The following WDR7 variants were observed in gnomAD, a reference collection of about 807,000 sequenced individuals.
The protein encoded by WDR7 is WD repeat-containing protein 7.
In WDR7, 46 loss-of-function variants were observed where a neutral mutation model predicts 169.4. The ratio of observed to expected loss-of-function variants is 0.27; its 90% CI spans 0.21 to 0.35. The LOEUF (loss-of-function observed/expected upper bound fraction) is 0.35. WDR7 is among the 10% of genes least tolerant of loss of function. The pLI, the probability that WDR7 is intolerant of heterozygous loss-of-function variation, is 1.00. For synonymous variants in WDR7, 612 were observed against 666.8 expected (o/e 0.92, Z 1.27); for missense variants, 1,534 against 1,859.3 (o/e 0.83, Z 3.22).
intron 25 of WDR7, among the ~76,000 whole-genome samples, chr18:56,959,338 T>A (rs1486612866): frequency 3.3e-5 from 5 of 152,186 alleles, no homozygotes; most frequent in Non-Finnish European, 1.5e-5. Flanking sequence ...CGGACAATGA[T>A]GAAAGCATGG....
intron 25 of WDR7, among the ~76,000 whole-genome samples, chr18:56,961,024 A>T (rs927444632): frequency 6.6e-6 from 1 of 151,954 alleles, no homozygotes; most frequent in African/African-American, 2.4e-5. Flanking sequence ...AAAGGGGAGG[A>T]GGTTGGTTAT....
At chr18:56,735,162 G>T (rs1419581352) in intron 14 of WDR7, among the ~76,000 whole-genome samples, 4 of 152,162 alleles carry the variant, frequency 2.6e-5, no homozygotes, top group Non-Finnish European at 5.9e-5. Context: ...AAAGTGAGAG[G>T]TCATGGGGAC....
chr18:56,725,994 G>T (rs2026442772), intron 13 of WDR7, among the ~76,000 whole-genome samples: 1 of 152,114 alleles, frequency 6.6e-6, no homozygotes, highest in South Asian at 2.1e-4. Context: ...TGAGGGCTCT[G>T]TTCTGTTCCA....
At chr18:56,654,963 T>C (rs1019584220) in intron 1 of WDR7, among the ~76,000 whole-genome samples, 1 of 152,256 alleles carries the variant, frequency 6.6e-6, no homozygotes, top group African/African-American at 2.4e-5. Context: ...TCATATATAC[T>C]CTGAATATTG....
At chr18:56,896,940 G>A (rs1945700885) in intron 21 of WDR7, among the ~76,000 whole-genome samples, 2 of 151,556 alleles carry the variant, frequency 1.3e-5, no homozygotes, top group Admixed American at 1.3e-4. Flanking sequence ...GACAAGAGAT[G>A]GTTAAATATC....
At chr18:56,847,037 A>G (rs2045578636) in intron 20 of WDR7, among the ~76,000 whole-genome samples, 2 of 152,238 alleles carry the variant, frequency 1.3e-5, no homozygotes, top group South Asian at 4.1e-4. Context: ...TGGAGGGCTC[A>G]GAAGAAGACA....
intron 21 of WDR7, among the ~76,000 whole-genome samples, chr18:56,903,319 C>T (rs2046429262): frequency 1.3e-5 from 2 of 152,052 alleles, no homozygotes; most frequent in Non-Finnish European, 2.9e-5. Context: ...TGGTAAAATT[C>T]ACTTGTTGTT....
At chr18:56,945,925 C>T (rs574861386) in intron 25 of WDR7, among the ~76,000 whole-genome samples, 132 of 152,288 alleles carry the variant, frequency 8.7e-4, no homozygotes, top group African/African-American at 3.1e-3. Flanking sequence ...ATTGAATAAA[C>T]TCAGAATTTC....
intron 1 of WDR7, among the ~76,000 whole-genome samples, chr18:56,659,692 G>C (rs750235498): frequency 2.0e-5 from 3 of 152,120 alleles, no homozygotes; most frequent in Non-Finnish European, 2.9e-5. Flanking sequence ...ATTCTGTTTA[G>C]TATCTTTGAG....
intron 20 of WDR7, among the ~76,000 whole-genome samples, chr18:56,857,357 C>G (rs1011434688): frequency 1.3e-5 from 2 of 152,086 alleles, no homozygotes; most frequent in African/African-American, 2.4e-5. Flanking sequence ...CCTCCTGGCT[C>G]ACGCGATCCT....
chr18:56,881,731 G>A lies in WDR7; in HGVS notation c.3526+1566G>A, dbSNP rs143223285. Among the ~76,000 whole-genome samples the A allele has an allele frequency of 4.4e-4, 67 of 152,086 alleles. 2 individuals carry two copies. The East Asian group carries it at 8.9e-3, about 20-fold the overall frequency. On this transcript the variant is annotated intron_variant, in intron 21 of 27. Transcript: ENST00000254442. The stretch of plus-strand genomic sequence containing the variant: ...CTCCCAAGTAGCCAGGATTACAGGT[G>A]TAGGCCACGATGACTGGGTAATTTT...
chr18:57,032,842 T>TATATATAC (rs1555649900), downstream of WDR7: 9 of 121,970 alleles, frequency 7.4e-5, no homozygotes, highest in Non-Finnish European at 8.5e-5. Flanking sequence ...TATATATATA[T>TATATATAC]ATACAGTGTA....
chr18:57,019,542 CAA>C (rs1260879808), intron 26 of WDR7, among the ~76,000 whole-genome samples: 1 of 152,038 alleles, frequency 6.6e-6, no homozygotes, highest in Non-Finnish European at 1.5e-5. Context: ...TGTTAGAAAA[CAA>C]GTGTTATTTG....
At chr18:57,006,328 T>TTC (rs1400299809) in intron 26 of WDR7, among the ~76,000 whole-genome samples, 5 of 151,598 alleles carry the variant, frequency 3.3e-5, no homozygotes, top group Non-Finnish European at 5.9e-5. Flanking sequence ...TTTTTTTTTT[T>TTC]CTTCAAGATT....
At chr18:56,904,780 C>CT (rs1005504483) in intron 21 of WDR7, among the ~76,000 whole-genome samples, 343 of 151,992 alleles carry the variant, frequency 2.3e-3, no homozygotes, top group African/African-American at 7.8e-3. Flanking sequence ...TCAATTAACC[C>CT]TTTTTTTTGA....
rs1028327512 is a variant in WDR7 at position 56,919,502 on chromosome 18, G to A, written c.3527-4420G>A. Among the ~76,000 whole-genome samples, 9 of 50,426 alleles carry A rather than the reference G, an allele frequency of 1.8e-4. No homozygotes were observed. The Admixed American group carries it at 1.9e-3, about 11-fold the overall frequency. The allele number at this position is 50,426 out of a possible 152,430, so 33.1% of individuals were successfully genotyped here. A position where few individuals can be genotyped will look rare whatever the true frequency, so the allele number is the denominator to read the frequency against. ...AACATTACTTCATCTTCTGTTTTGG[G>A]GAGATGCTCGTTAACTCAGCTGAAA... is the stretch of plus-strand genomic sequence containing the variant. On this transcript the variant is annotated intron_variant, in intron 21 of 27. Transcript: ENST00000254442.
At chr18:57,020,593 T>C in intron 26 of WDR7, 152 bp from the exon 27 acceptor site, 1 of 720,308 alleles carries the variant, frequency 1.4e-6, no homozygotes, top group Non-Finnish European at 2.3e-6. Context: ...TCTGTTGCTT[T>C]GCTTATTTTT....
At chr18:57,030,796 T>C (rs992091029), downstream of WDR7, 4 of 151,532 alleles carry the variant, frequency 2.6e-5, no homozygotes, top group African/African-American at 9.7e-5. Context: ...GGTTTAGAGA[T>C]CGTCAATACA....
chr18:56,886,340 A>G (rs2046193872), intron 21 of WDR7, among the ~76,000 whole-genome samples: 1 of 152,214 alleles, frequency 6.6e-6, no homozygotes, highest in South Asian at 2.1e-4. Flanking sequence ...CCTTAGCCAA[A>G]ACAATTATCA....
Sources: gnomAD v4.1 joint callset for allele counts (sites outside exome capture counted in the v4.1 genomes callset) on GRCh38, gnomAD v4.1.1 for gene constraint, MANE v1.5 for transcripts, NCBI Gene and HGNC (gene_info 2026-07-23, HGNC 2026-07-21) for gene names.